SIPA1L3: variants seen among roughly 807,000 people sequenced by gnomAD.
SIPA1L3 encodes signal-induced proliferation-associated 1-like protein 3.
SIPA1L3 carries 59 observed loss-of-function variants against 150.1 expected under a neutral mutation model. The ratio of observed to expected loss-of-function variants is 0.39; its 90% CI spans 0.32 to 0.49. The LOEUF is 0.49. Among genes scored for constraint, SIPA1L3 ranks in the 20% least tolerant of loss-of-function variants. The pLI is 0.86. For synonymous variants in SIPA1L3, 1,070 were observed against 1,077.6 expected (o/e 0.99, Z 0.14); for missense variants, 2,211 against 2,489.5 (o/e 0.89, Z 2.38).
At chr19:38,011,018 T>C (rs1386574812) in intron 1 of SIPA1L3, among the ~76,000 whole-genome samples, 1 of 152,226 alleles carries the variant, frequency 6.6e-6, no homozygotes, top group East Asian at 1.9e-4. Flanking sequence ...AAGACATGGA[T>C]GTGCGCAGAT....
chr19:37,917,654 G>A (rs1046794238), intron 1 of SIPA1L3, among the ~76,000 whole-genome samples: 1 of 152,130 alleles, frequency 6.6e-6, no homozygotes, highest in African/African-American at 2.4e-5. Flanking sequence ...GGGTGTTTAA[G>A]GGGGATAGGG....
intron 7 of SIPA1L3, among the ~76,000 whole-genome samples, chr19:38,107,280 G>T (rs1428996767): frequency 6.6e-6 from 1 of 152,224 alleles, no homozygotes; most frequent in South Asian, 2.1e-4. Context: ...TTGGGGCCTG[G>T]GGTAGGGGTG....
chr19:38,097,748 G>T (rs948247165), intron 4 of SIPA1L3, among the ~76,000 whole-genome samples: 1 of 152,136 alleles, frequency 6.6e-6, no homozygotes, highest in Non-Finnish European at 1.5e-5. Flanking sequence ...GTAGAGACAG[G>T]GTTTCACCCA....
intron 9 of SIPA1L3, among the ~76,000 whole-genome samples, chr19:38,120,282 A>G (rs1223474401): frequency 6.7e-6 from 1 of 148,866 alleles, no homozygotes; most frequent in Non-Finnish European, 1.5e-5. Context: ...GGGTAACCAT[A>G]GTGAGACTCT....
intron 4 of SIPA1L3, among the ~76,000 whole-genome samples, chr19:38,091,799 T>C (rs1188448278): frequency 6.6e-6 from 1 of 152,162 alleles, no homozygotes; most frequent in African/African-American, 2.4e-5. Context: ...GGCTCACGTC[T>C]GTAATCCCAG....
chr19:38,148,350 C>CAA (rs765823221), intron 12 of SIPA1L3, among the ~76,000 whole-genome samples: 17 of 128,778 alleles, frequency 1.3e-4, no homozygotes, highest in African/African-American at 1.7e-4. Flanking sequence ...GACTCCATCT[C>CAA]AAAAAAAAAA....
At chr19:38,188,340 A>G (rs889575715) in intron 16 of SIPA1L3, among the ~76,000 whole-genome samples, 2 of 151,812 alleles carry the variant, frequency 1.3e-5, no homozygotes, top group African/African-American at 2.4e-5. Context: ...GCCCGCCAGC[A>G]TGCCCGGCTA....
chr19:38,122,321 G>A (rs1203564000), intron 9 of SIPA1L3, among the ~76,000 whole-genome samples: 1 of 152,112 alleles, frequency 6.6e-6, no homozygotes, highest in Non-Finnish European at 1.5e-5. Context: ...AAGGTTTTAG[G>A]GAAAAAAAGG....
At position 38,081,883 on chromosome 19, in the gene SIPA1L3, T is replaced by A. The variant is rs745329520; in HGVS notation, c.318T>A (p.Asp106Glu). The A allele has an allele frequency of 6.2e-7, 1 of 1,614,092 alleles. No individual in the cohort carries two copies. Among genetic ancestry groups the A allele is most frequent in the Admixed American group, 1.7e-5 (1 of 60,034 alleles). ...HSNPSPSQDT[D>E]GTKATKMAHS... ...ACCCAAGCCCCTCCCAGGACACAGA[T>A]GGCACAAAGGCCACCAAGATGGCCC... is the stretch of plus-strand genomic sequence containing the variant. Residue 106 changes from aspartate to glutamate, a missense_variant, in exon 3 of 22, where the codon GAT becomes GAA. This residue lies in a region of SIPA1L3 where 130 missense variants were observed against 174.5 expected (regional missense o/e 0.74). Coordinates refer to ENST00000222345, the MANE Select transcript of SIPA1L3 (RefSeq NM_015073.3).
chr19:38,188,704 C>T (rs1972741367), intron 16 of SIPA1L3, among the ~76,000 whole-genome samples: 2 of 151,908 alleles, frequency 1.3e-5, no homozygotes, highest in South Asian at 2.1e-4. Flanking sequence ...GGGCGGATCA[C>T]GAGGTCAGGA....
intron 8 of SIPA1L3, among the ~76,000 whole-genome samples, chr19:38,118,040 AT>A (rs1298160760): frequency 6.6e-6 from 1 of 151,994 alleles, no homozygotes; most frequent in Non-Finnish European, 1.5e-5. Flanking sequence ...TCCTTTATTA[AT>A]TTTTTTTCTT....
chr19:38,179,432 ACT>A (rs1428408313), intron 15 of SIPA1L3, among the ~76,000 whole-genome samples: 26 of 152,246 alleles, frequency 1.7e-4, no homozygotes, highest in African/African-American at 2.9e-4. Flanking sequence ...ACAGAGTAAG[ACT>A]CTGTCTCAAA....
chr19:37,919,622 TC>T (rs1568463546), intron 1 of SIPA1L3, among the ~76,000 whole-genome samples: 1 of 151,362 alleles, frequency 6.6e-6, no homozygotes. Context: ...TCTCACTTGT[TC>T]CGGCCTCCTC....
intron 12 of SIPA1L3, among the ~76,000 whole-genome samples, chr19:38,149,019 A>T (rs961935146): frequency 2.0e-5 from 3 of 152,210 alleles, no homozygotes; most frequent in Non-Finnish European, 4.4e-5. Flanking sequence ...ACAGTGATAG[A>T]CATGGTCTCA....
intron 4 of SIPA1L3, among the ~76,000 whole-genome samples, chr19:38,099,671 A>G (rs776755255): frequency 2.0e-5 from 3 of 152,104 alleles, no homozygotes; most frequent in African/African-American, 4.8e-5. Flanking sequence ...GGTAGTTTAC[A>G]TTATTGTCTC....
chr19:37,967,917 A>C (rs1395132552), intron 1 of SIPA1L3, among the ~76,000 whole-genome samples: 1 of 151,972 alleles, frequency 6.6e-6, no homozygotes, highest in Non-Finnish European at 1.5e-5. Context: ...CCTCAGCCTC[A>C]CAAAGTGTTG....
intron 2 of SIPA1L3, among the ~76,000 whole-genome samples, chr19:38,050,675 G>A (rs1430282575): frequency 3.9e-5 from 6 of 152,196 alleles, no homozygotes; most frequent in Non-Finnish European, 5.9e-5. Context: ...AAAGTTGTCC[G>A]AAGAGCAGGC....
At chr19:38,089,219 G>A (rs1970207760) in intron 4 of SIPA1L3, among the ~76,000 whole-genome samples, 1 of 151,318 alleles carries the variant, frequency 6.6e-6, no homozygotes, top group African/African-American at 2.4e-5. Context: ...TGGGGAGACT[G>A]AGCCAGGTGA....
At chr19:37,925,872 G>A (rs1414108775) in intron 1 of SIPA1L3, among the ~76,000 whole-genome samples, 1 of 152,120 alleles carries the variant, frequency 6.6e-6, no homozygotes, top group African/African-American at 2.4e-5. Flanking sequence ...GATTACAGGC[G>A]TGAGCCATTG....
Sources: gnomAD v4.1 joint callset for allele counts (sites outside exome capture counted in the v4.1 genomes callset) on GRCh38, gnomAD v4.1.1 for gene constraint, gnomAD v4.1.1 regional missense constraint, MANE v1.5 for transcripts, NCBI Gene and HGNC (gene_info 2026-07-23, HGNC 2026-07-21) for gene names.